The following ANKRD45 variants were observed in gnomAD, a reference collection of about 807,000 sequenced individuals.
ANKRD45 encodes ankyrin repeat domain-containing protein 45.
A neutral mutation model predicts 28.1 loss-of-function variants in ANKRD45; 21 were observed. The ratio of observed to expected loss-of-function variants is 0.75; its 90% confidence interval spans 0.53 to 1.08. The LOEUF (loss-of-function observed/expected upper bound fraction) is 1.08. Ranked by LOEUF, ANKRD45 falls within the 50% of genes least tolerant of loss-of-function variation. The probability of loss-of-function intolerance (pLI) is 0.00; values close to 1 mark genes in which losing one functional copy is unlikely to be tolerated. For synonymous variants in ANKRD45, 86 were observed against 103.9 expected, an observed-to-expected ratio of 0.83 and a Z score of 1.05; for missense variants, 261 against 308.7, an observed-to-expected ratio of 0.85 and a Z score of 1.16.
upstream of ANKRD45, among the ~76,000 whole-genome samples, chr1:173,672,801 C>G (rs1177171681): frequency 6.6e-6 from 1 of 152,144 alleles, no homozygotes; most frequent in Non-Finnish European, 1.5e-5. Flanking sequence ...ACACCCCCTG[C>G]AAGCTTGACC....
the ANKRD45 span, among the ~76,000 whole-genome samples, chr1:173,706,071 G>A: frequency 2.0e-5 from 3 of 151,974 alleles, no homozygotes; most frequent in Admixed American, 2.0e-4. Flanking sequence ...TTGGGAGGCC[G>A]AGGCGGGTGG....
chr1:173,652,664 A>G (rs1367571078), intron 2 of ANKRD45, among the ~76,000 whole-genome samples: 1 of 152,214 alleles, frequency 6.6e-6, no homozygotes, highest in Non-Finnish European at 1.5e-5. Context: ...TAGTTTCAGA[A>G]GGAATAGTAC....
Position 173,624,849 on chromosome 1 carries a change from A to T in ANKRD45, c.668T>A (p.Phe223Tyr), listed in dbSNP as rs763232829. 6.2e-7 allele frequency: 1 copy of T among 1,613,890 alleles called. No individual in the cohort carries two copies. Among genetic ancestry groups the T allele is most frequent in the East Asian group, 2.2e-5 (1 of 44,852 alleles). ...ATCTTCCAGTTGTTGTCTCTGCTCAAAAAGCTCATTAATGGAAGCTTCTGT... is the reference window on the plus strand; with the variant it reads ...ATCTTCCAGTTGTTGTCTCTGCTCATAAAGCTCATTAATGGAAGCTTCTGT... ...THTEASINEL[F>Y]EQRQQLEDIV... Residue 223 changes from phenylalanine (F) to tyrosine (Y), a missense_variant, in exon 5 of 6, where the codon TTT (phenylalanine) becomes TAT (tyrosine). Physicochemically the swap from Phe to Tyr is conservative, Grantham distance 22. Transcript: ENST00000333279.
upstream of ANKRD45, among the ~76,000 whole-genome samples, chr1:173,673,088 G>A (rs1278727545): frequency 6.7e-6 from 1 of 150,298 alleles, no homozygotes; most frequent in Non-Finnish European, 1.5e-5. Flanking sequence ...AGAAATTATT[G>A]TATAAAAAAC....
intron 3 of ANKRD45, chr1:173,635,967 C>A: frequency 8.6e-6 from 6 of 698,210 alleles, no homozygotes; most frequent in Non-Finnish European, 1.2e-5. Flanking sequence ...CCCCCAACTT[C>A]CCATTCATTC....
chr1:173,640,533 T>C (rs1286833145), intron 3 of ANKRD45, among the ~76,000 whole-genome samples: 1 of 152,202 alleles, frequency 6.6e-6, no homozygotes, highest in Non-Finnish European at 1.5e-5. Flanking sequence ...GCTTAATTTT[T>C]ATATACCTTC....
chr1:173,653,726 G>A (rs1669352213), intron 2 of ANKRD45, among the ~76,000 whole-genome samples: 1 of 151,978 alleles, frequency 6.6e-6, no homozygotes, highest in South Asian at 2.1e-4. Context: ...TTATTGTTTG[G>A]GAGTCTAAAT....
intron 3 of ANKRD45, among the ~76,000 whole-genome samples, chr1:173,633,215 A>G (rs1668271787): frequency 6.6e-6 from 1 of 152,086 alleles, no homozygotes; most frequent in African/African-American, 2.4e-5. Context: ...ACAATCTGAA[A>G]AAAAAATCAA....
chr1:173,664,125 C>T (rs1347480405), intron 1 of ANKRD45, among the ~76,000 whole-genome samples: 1 of 152,038 alleles, frequency 6.6e-6, no homozygotes, highest in Non-Finnish European at 1.5e-5. Context: ...GGAGACTATA[C>T]CAGGAAATCA....
chr1:173,612,305 AAG>A (rs1163318196), intron 5 of ANKRD45, among the ~76,000 whole-genome samples: 3 of 133,386 alleles, frequency 2.2e-5, no homozygotes, highest in African/African-American at 9.1e-5. Flanking sequence ...AGAAGGAAAG[AAG>A]GAAGGAAGGA....
the ANKRD45 span, among the ~76,000 whole-genome samples, chr1:173,697,200 T>C: frequency 2.0e-5 from 3 of 152,210 alleles, no homozygotes; most frequent in Admixed American, 1.3e-4. Context: ...TTGGTGTACC[T>C]GAAAGTGACA....
intron 5 of ANKRD45, among the ~76,000 whole-genome samples, chr1:173,612,355 GGAAGGA>G (rs1667203918): frequency 6.8e-6 from 1 of 147,284 alleles, no homozygotes; most frequent in African/African-American, 2.6e-5. Flanking sequence ...AAGGAAGGAA[GGAAGGA>G]AAAGTTTCTT....
chr1:173,683,678 G>C, the ANKRD45 span, among the ~76,000 whole-genome samples: 5 of 152,158 alleles, frequency 3.3e-5, no homozygotes, highest in African/African-American at 9.7e-5. Context: ...ATCTGAGACA[G>C]GTCTCAGTTA....
chr1:173,666,423 C>T (rs1054168464), intron 1 of ANKRD45, among the ~76,000 whole-genome samples: 1 of 152,128 alleles, frequency 6.6e-6, no homozygotes, highest in African/African-American at 2.4e-5. Flanking sequence ...ACCCTCCACC[C>T]CTGTAGATAC....
chr1:173,628,226 G>A (rs969963003), intron 3 of ANKRD45, among the ~76,000 whole-genome samples: 3 of 150,480 alleles, frequency 2.0e-5, no homozygotes, highest in Non-Finnish European at 4.4e-5. Context: ...TAAGGGGAGA[G>A]ACACCTTCTG....
the ANKRD45 span, among the ~76,000 whole-genome samples, chr1:173,712,619 C>T: frequency 3.3e-5 from 5 of 152,150 alleles, no homozygotes; most frequent in Admixed American, 6.5e-5. Flanking sequence ...TTTGCTTCTG[C>T]GTGCACACCC....
In ANKRD45 at chr1:173,634,277, A is replaced by T. The variant is rs372229053; in HGVS notation, c.497-7118T>A. On this transcript the variant is annotated intron_variant, in intron 3 of 5. Coordinates refer to ENST00000333279, the MANE Select transcript of ANKRD45 (RefSeq NM_198493.3). ...AGAAATGCAAATCAAAACTACAATG[A>T]CATATCATATCACCATAGCACTCCA... Among the ~76,000 whole-genome samples, 127 of 152,170 alleles carry T rather than the reference A, an allele frequency of 8.3e-4. 1 individual carries two copies. Among genetic ancestry groups the T allele is most frequent in the African/African-American group, 3.0e-3 (123 of 41,568 alleles).
At chr1:173,650,368 T>C (rs986293293) in intron 2 of ANKRD45, among the ~76,000 whole-genome samples, 1 of 152,188 alleles carries the variant, frequency 6.6e-6, no homozygotes, top group Non-Finnish European at 1.5e-5. Flanking sequence ...TATCTGTCCT[T>C]ATGATAGTTT....
chr1:173,693,340 T>C, the ANKRD45 span, among the ~76,000 whole-genome samples: 1 of 152,160 alleles, frequency 6.6e-6, no homozygotes, highest in African/African-American at 2.4e-5. Context: ...TGTAGCACTA[T>C]TCTATTTTGT....
Sources: gnomAD v4.1 joint callset for allele counts (sites outside exome capture counted in the v4.1 genomes callset) on GRCh38, gnomAD v4.1.1 for gene constraint, MANE v1.5 for transcripts, NCBI Gene and HGNC (gene_info 2026-07-23, HGNC 2026-07-21) for gene names.